The following COL7A1 variants were observed in gnomAD, a reference collection of about 807,000 sequenced individuals.
COL7A1 encodes collagen type VII alpha 1 chain.
Under a neutral mutation model 456.2 loss-of-function variants are expected in COL7A1, and 296 were observed. That is an observed-to-expected ratio of 0.65 (90% CI 0.59 to 0.71). COL7A1 has a LOEUF of 0.71. Among genes scored for constraint, COL7A1 ranks in the 30% least tolerant of loss-of-function variants. The pLI, the probability that COL7A1 is intolerant of heterozygous loss-of-function variation, is 0.00. For missense variants in COL7A1, 3,441 were observed against 4,017.2 expected (o/e 0.86, Z 3.88); for synonymous variants, 1,464 against 1,525.9 (o/e 0.96, Z 0.95).
chr3:48,579,123 T>C lies in COL7A1; in HGVS notation c.5388+74A>G. The C allele has an allele frequency of 1.3e-6, 2 of 1,577,450 alleles. No individual in the cohort carries two copies. Among genetic ancestry groups the C allele is most frequent in the Middle Eastern group, 3.4e-4 (2 of 5,930 alleles). The stretch of plus-strand genomic sequence containing the variant: ...GCTCGTCAAGGCCAAGACCAACCAA[T>C]GAGGCTGGGGTCTAGGGTCCTCATG... On this transcript the variant is annotated intron_variant, in intron 62 of 118. Coordinates refer to ENST00000681320, the MANE Select transcript of COL7A1 (RefSeq NM_000094.4). This position sits in a 1 kb window ranked among gnomAD's most constrained non-coding sequence, Gnocchi z 4.4.
chr3:48,578,852 T>C lies in COL7A1; in HGVS notation c.5424+67A>G. ...CACCAACTCTCTCGGATGCTGTGAC[T>C]ATGATGATCTGGTTGGAGCTTACGC... On this transcript the variant is annotated intron_variant, in intron 63 of 118. Coordinates refer to ENST00000681320, the MANE Select transcript of COL7A1 (RefSeq NM_000094.4). This position sits in a 1 kb window ranked among gnomAD's most constrained non-coding sequence, Gnocchi z 4.7. The C allele has an allele frequency of 6.6e-7, 1 of 1,521,046 alleles. No individual in the cohort carries two copies. The highest frequency in any genetic ancestry group is 1.4e-5 in the African/African-American group (1 of 72,238). The allele number at this position is 1,521,046 out of a possible 1,614,324, so 94.2% of individuals were successfully genotyped here. A position where few individuals can be genotyped will look rare whatever the true frequency, so the allele number is the denominator to read the frequency against.
In COL7A1 at chr3:48,593,517, A is replaced by T; in HGVS notation, c.426+20T>A. The T allele has an allele frequency of 6.2e-7, 1 of 1,614,072 alleles. No homozygotes were observed. Among genetic ancestry groups the T allele is most frequent in the Non-Finnish European group, 8.5e-7 (1 of 1,179,996 alleles). ...TTCATTTGGGGTCATCTTGGGAGGCATGGTAGGGGTAGGGATCACCTTGGG... is the reference window on the plus strand; with the variant it reads ...TTCATTTGGGGTCATCTTGGGAGGCTTGGTAGGGGTAGGGATCACCTTGGG... On this transcript the variant is annotated intron_variant, in intron 4 of 118. Transcript: ENST00000681320. The surrounding 1 kb of genome is among the most constrained non-coding windows in gnomAD (Gnocchi z 4.4).
At position 48,588,446 on chromosome 3, in the gene COL7A1, G is replaced by C. The variant is rs745901898; in HGVS notation, c.2588-42C>G. The stretch of plus-strand genomic sequence containing the variant: ...GGAATCAGGGAGGCTCTGCCCCCAT[G>C]GCCCCTGCACCAATCCCAGGCCCAC... On this transcript the variant is annotated intron_variant, in intron 20 of 118. Coordinates refer to ENST00000681320, the MANE Select transcript of COL7A1 (RefSeq NM_000094.4). The surrounding 1 kb of genome is among the most constrained non-coding windows in gnomAD (Gnocchi z 4.6). The C allele has an allele frequency of 6.2e-7, 1 of 1,600,712 alleles. No individual in the cohort carries two copies. The highest frequency in any genetic ancestry group is 8.5e-7 in the Non-Finnish European group (1 of 1,178,604).
In COL7A1 at chr3:48,593,450, C is replaced by T. The variant is rs2045853749; in HGVS notation, c.427-1G>A. ...TCCCGTCTGTGATCAGGATGCAGAC[C>T]TGGGACAGGTGCAGGGGTCAAATCA... On this transcript the variant is annotated splice_acceptor_variant, in intron 4 of 118. Transcript: ENST00000681320. LOFTEE classifies it high-confidence loss of function. The surrounding 1 kb of genome is among the most constrained non-coding windows in gnomAD (Gnocchi z 4.4). 1 of 1,614,106 alleles carries T rather than the reference C, an allele frequency of 6.2e-7. No individual in the cohort carries two copies. Among genetic ancestry groups the T allele is most frequent in the Non-Finnish European group, 8.5e-7 (1 of 1,180,018 alleles).
chr3:48,577,273 T>G (rs907633087), intron 65 of COL7A1, among the ~76,000 whole-genome samples: 3 of 152,244 alleles, frequency 2.0e-5, no homozygotes, highest in Non-Finnish European at 4.4e-5. Flanking sequence ...TCTCTAGAGG[T>G]AGCTCCACAT....
In COL7A1 at chr3:48,573,001, C is replaced by A. The variant is rs1231562064; in HGVS notation, c.6750+20G>T. On this transcript the variant is annotated intron_variant, in intron 86 of 118. Coordinates refer to ENST00000681320, the MANE Select transcript of COL7A1 (RefSeq NM_000094.4). The surrounding 1 kb of genome is among the most constrained non-coding windows in gnomAD (Gnocchi z 5.5). ...CGACCCTTGACCCCTGGAGCCCAAC[C>A]CTTGACCCCCAGAACTCACCACTTG... is the stretch of plus-strand genomic sequence containing the variant. The A allele has an allele frequency of 6.2e-7, 1 of 1,614,074 alleles. No individual in the cohort carries two copies. The highest frequency in any genetic ancestry group is 8.5e-7 in the Non-Finnish European group (1 of 1,180,010).
chr3:48,578,181 T>C lies in COL7A1; in HGVS notation c.5532+140A>G. ...CTCCATCTCAAAAAAAAAAAAACTA[T>C]GTTTCTGGATGCATCTGTATGTCTG... On this transcript the variant is annotated intron_variant, in intron 65 of 118. Transcript: ENST00000681320. The surrounding 1 kb of genome is among the most constrained non-coding windows in gnomAD (Gnocchi z 4.7). 6.3e-6 allele frequency: 6 copies of C among 958,748 alleles called. No individual in the cohort carries two copies. Among genetic ancestry groups the C allele is most frequent in the Non-Finnish European group, 9.5e-6 (6 of 630,562 alleles). The allele number at this position is 958,748 out of a possible 1,614,324, so 59.4% of individuals were successfully genotyped here.
rs2044744005 is a variant in COL7A1, at chr3:48,581,331, C to G, written c.4828G>C (p.Gly1610Arg). 6 of 1,613,542 alleles carry G rather than the reference C, an allele frequency of 3.7e-6. No homozygotes were observed. Among genetic ancestry groups the G allele is most frequent in the Non-Finnish European group, 4.2e-6 (5 of 1,179,946 alleles). Reference sequence around the variant, plus strand: ...GGGTCTCCCTTCTCTCCAGGAGGCCCTGAGTCACCCTGTGGAGGAGGCAAG... The same window carrying G: ...GGGTCTCCCTTCTCTCCAGGAGGCCGTGAGTCACCCTGTGGAGGAGGCAAG... ...TGRAGPPGDS[G>R]PPGEKGDPGR... The change falls in exon 52 of 119, where the codon GGG (glycine) becomes CGG (arginine). Residue 1610 changes from glycine to arginine, a missense_variant. By Grantham distance (125) the Gly-to-Arg change is moderately radical (BLOSUM62 -2). Coordinates refer to ENST00000681320, the MANE Select transcript of COL7A1 (RefSeq NM_000094.4). This position sits in a 1 kb window ranked among gnomAD's most constrained non-coding sequence, Gnocchi z 5.8.
Position 48,569,890 on chromosome 3 carries a change from C to A in COL7A1, c.7511G>T (p.Arg2504Leu), listed in dbSNP as rs747583483. Residue 2504 changes from arginine to leucine, a missense_variant, in exon 100 of 119, where the codon CGT (arginine) becomes CTT (leucine). Arg to Leu is a moderately radical substitution (Grantham distance 102). This residue lies in a region of COL7A1 where 2,084 missense variants were observed against 2,501.3 expected (regional missense o/e 0.83). Coordinates refer to ENST00000681320, the MANE Select transcript of COL7A1 (RefSeq NM_000094.4). This position sits in a 1 kb window ranked among gnomAD's most constrained non-coding sequence, Gnocchi z 4.9. ...LTGPPGSRGERGEKGDVGSAG... is the reference protein window; with the variant it reads ...LTGPPGSRGELGEKGDVGSAG... ...TCCCCACGTTCCTACCTTCTCCCCA[C>A]GCTCTCCCCTGCTGCCAGGGGGCCC... is the stretch of plus-strand genomic sequence containing the variant. 6.2e-7 allele frequency: 1 copy of A among 1,614,132 alleles called. No individual in the cohort carries two copies. Among genetic ancestry groups the A allele is most frequent in the Admixed American group, 1.7e-5 (1 of 60,030 alleles).
Position 48,575,974 on chromosome 3 carries a change from G to A in COL7A1, c.5821-72C>T, listed in dbSNP as rs2107677981. The stretch of plus-strand genomic sequence containing the variant: ...CTGCCTTCTGCCCCGCACGGCCTCA[G>A]GAAAGCACCTTCACACCCTTTTCCC... On this transcript the variant is annotated intron_variant, in intron 71 of 118. Coordinates refer to ENST00000681320, the MANE Select transcript of COL7A1 (RefSeq NM_000094.4). The surrounding 1 kb of genome is among the most constrained non-coding windows in gnomAD (Gnocchi z 6.3). 1 of 1,610,674 alleles carries A rather than the reference G, an allele frequency of 6.2e-7. No individual in the cohort carries two copies. Among genetic ancestry groups the A allele is most frequent in the Non-Finnish European group, 8.5e-7 (1 of 1,177,076 alleles).
At position 48,583,540 on chromosome 3, in the gene COL7A1, T is replaced by C. The variant is rs370329446; in HGVS notation, c.4401+16A>G. ...CTGTGCCCACCATATTCAGAATCCC[T>C]GGCCCCTCCACTCACCTGCTCACCC... On this transcript the variant is annotated intron_variant, in intron 41 of 118. Transcript: ENST00000681320. The surrounding 1 kb of genome is among the most constrained non-coding windows in gnomAD (Gnocchi z 5.1). 1.9e-6 allele frequency: 3 copies of C among 1,613,836 alleles called. No homozygotes were observed. The highest frequency in any genetic ancestry group is 2.7e-5 in the African/African-American group (2 of 74,890).
Position 48,585,213 on chromosome 3 carries a change from C to T in COL7A1, c.3895-97G>A, listed in dbSNP as rs2045156465. 1 of 1,179,904 alleles carries T rather than the reference C, an allele frequency of 8.5e-7. No homozygotes were observed. Among genetic ancestry groups the T allele is most frequent in the Non-Finnish European group, 1.2e-6 (1 of 816,822 alleles). The allele number at this position is 1,179,904 out of a possible 1,614,324, so 73.1% of individuals were successfully genotyped here. Reference sequence around the variant, plus strand: ...CCCCATCAACAAGGGGTCGCCTACCCCACTGACCCCCAAGTGTTATTGGGG... The same window carrying T: ...CCCCATCAACAAGGGGTCGCCTACCTCACTGACCCCCAAGTGTTATTGGGG... On this transcript the variant is annotated intron_variant, in intron 32 of 118. Transcript: ENST00000681320. This position sits in a 1 kb window ranked among gnomAD's most constrained non-coding sequence, Gnocchi z 4.5.
At position 48,591,268 on chromosome 3, in the gene COL7A1, G is replaced by T. The variant is rs530633100; in HGVS notation, c.1636+196C>A. Among the ~76,000 whole-genome samples the T allele has an allele frequency of 6.6e-6, 1 of 152,114 alleles. No homozygotes were observed. Among genetic ancestry groups the T allele is most frequent in the African/African-American group, 2.4e-5 (1 of 41,408 alleles). ...GGGGTGTGGGGCAGGGAGGAGATTGGTTGGGGTAGGGTAGGGGCAGACACA... is the reference window on the plus strand; with the variant it reads ...GGGGTGTGGGGCAGGGAGGAGATTGTTTGGGGTAGGGTAGGGGCAGACACA... On this transcript the variant is annotated intron_variant, in intron 13 of 118. Transcript: ENST00000681320. This position sits in a 1 kb window ranked among gnomAD's most constrained non-coding sequence, Gnocchi z 7.0.
Position 48,581,077 on chromosome 3 carries a change from G to A in COL7A1, c.4935+45C>T, listed in dbSNP as rs2044720136. 9.3e-6 allele frequency: 15 copies of A among 1,611,866 alleles called. No individual in the cohort carries two copies. Among genetic ancestry groups the A allele is most frequent in the Non-Finnish European group, 1.3e-5 (15 of 1,178,232 alleles). On this transcript the variant is annotated intron_variant, in intron 53 of 118. Transcript: ENST00000681320. This position sits in a 1 kb window ranked among gnomAD's most constrained non-coding sequence, Gnocchi z 5.8. ...GGAGCACCAGCCTACTGGGATCCTA[G>A]TTCAAGGGTAAAGGATCAGAAACCA...
chr3:48,585,707 C>G lies in COL7A1; in HGVS notation c.3814G>C (p.Gly1272Arg). 1.2e-6 allele frequency: 2 copies of G among 1,614,012 alleles called. No individual in the cohort carries two copies. The highest frequency in any genetic ancestry group is 2.2e-5 in the South Asian group (2 of 91,090). ...ACACTCACCGGGAGGCCAGGGTCGC[C>G]AGGAGGCCCAACTTGTCCTCTCAGG... ...MGLRGQVGPP[G>R]DPGLPGRTGA... The change falls in exon 31 of 119, where the codon GGC (glycine) becomes CGC (arginine). Residue 1272 changes from glycine (G) to arginine (R), a missense_variant. Around this residue, in one of 3 missense-constraint regions of COL7A1, gnomAD observed 2,084 missense variants for 2,501.3 expected, o/e 0.83. Transcript: ENST00000681320. The surrounding 1 kb of genome is among the most constrained non-coding windows in gnomAD (Gnocchi z 4.5).
Position 48,584,070 on chromosome 3 carries a change from C to T in COL7A1, c.4198-9G>A, listed in dbSNP as rs767198169. 2 of 1,614,182 alleles carry T rather than the reference C, an allele frequency of 1.2e-6. No individual in the cohort carries two copies. The highest frequency in any genetic ancestry group is 2.2e-5 in the South Asian group (2 of 91,086). ...CGATCGCCTTTGTCACCCTAGAAAACAGATGACGACCCCATGACCCTGGGC... is the reference window on the plus strand; with the variant it reads ...CGATCGCCTTTGTCACCCTAGAAAATAGATGACGACCCCATGACCCTGGGC... On this transcript the variant is annotated splice_polypyrimidine_tract_variant and intron_variant, in intron 37 of 118. Coordinates refer to ENST00000681320, the MANE Select transcript of COL7A1 (RefSeq NM_000094.4).
chr3:48,593,010 G>A lies in COL7A1; in HGVS notation c.683-72C>T. ...ATGTATGATGCAGAGTTGGGGTCGG[G>A]GTCAGGAGCACATAGGATGGAATCA... On this transcript the variant is annotated intron_variant, in intron 6 of 118. Transcript: ENST00000681320. This position sits in a 1 kb window ranked among gnomAD's most constrained non-coding sequence, Gnocchi z 4.4. 2 of 1,612,526 alleles carry A rather than the reference G, an allele frequency of 1.2e-6. No homozygotes were observed. The highest frequency in any genetic ancestry group is 1.7e-6 in the Non-Finnish European group (2 of 1,179,370).
chr3:48,592,601 G>A lies in COL7A1; in HGVS notation c.945C>T (p.Ile315=), dbSNP rs761431565. 2.9e-5 allele frequency: 47 copies of A among 1,614,034 alleles called. No homozygotes were observed. The African/African-American group carries it at 3.2e-4, about 11-fold the overall frequency. ...VTVIALYANS[I]GEAVSGTART... ...GAGCTGTCCCGCTCACAGCCTCCCCGATGCTGTTGGCGTAGAGGGCAATCA... is the reference window on the plus strand; with the variant it reads ...GAGCTGTCCCGCTCACAGCCTCCCCAATGCTGTTGGCGTAGAGGGCAATCA... Residue 315 remains isoleucine, a synonymous_variant, in exon 8 of 119, where the codon ATC becomes ATT. Coordinates refer to ENST00000681320, the MANE Select transcript of COL7A1 (RefSeq NM_000094.4). This position sits in a 1 kb window ranked among gnomAD's most constrained non-coding sequence, Gnocchi z 7.6.
At chr3:48,582,212 A>G (rs2532891) in intron 47 of COL7A1, 111 bp downstream of exon 47, 2 of 1,584,664 alleles carry the variant, frequency 1.3e-6, no homozygotes, top group Non-Finnish European at 8.7e-7. Flanking sequence ...CAGAGCTCCC[A>G]GCCTGCTCAC....
Sources: allele counts gnomAD v4.1 joint callset (sites outside exome capture counted in the v4.1 genomes callset), GRCh38; gene constraint gnomAD v4.1.1; regional missense constraint gnomAD v4.1.1; non-coding constraint Gnocchi (gnomAD v3.1); transcripts MANE v1.5; gene names NCBI Gene and HGNC (gene_info 2026-07-23, HGNC 2026-07-21).